Variants in DPP10 observed in about 807,000 individuals in gnomAD.
DPP10 encodes inactive dipeptidyl peptidase 10.
In DPP10, 33 loss-of-function variants were observed where a neutral mutation model predicts 120.9. The observed-to-expected ratio is 0.27, with a 90% CI of 0.21 to 0.37. The LOEUF is 0.37. DPP10 is among the 10% of genes least tolerant of loss of function. DPP10 has a pLI of 1.00. For synonymous variants in DPP10, 337 were observed against 326.1 expected (o/e 1.03, Z -0.36); for missense variants, 816 against 942.8 (o/e 0.87, Z 1.76).
intron 12 of DPP10, among the ~76,000 whole-genome samples, chr2:115,764,684 T>G (rs1359081742): frequency 6.6e-6 from 1 of 152,130 alleles, no homozygotes; most frequent in Non-Finnish European, 1.5e-5. Context: ...AATAGAAACT[T>G]TTTTAAAAAA....
At chr2:115,201,853 TA>T (rs59872188) in intron 1 of DPP10, among the ~76,000 whole-genome samples, 118,827 of 151,170 alleles carry the variant, frequency 0.79, 46,952 homozygotes, top group East Asian at 0.89. Flanking sequence ...AACTTGAAGT[TA>T]AAAAAAAAAA....
chr2:115,496,443 T>G (rs1051507880), intron 3 of DPP10, among the ~76,000 whole-genome samples: 1 of 152,148 alleles, frequency 6.6e-6, no homozygotes, highest in African/African-American at 2.4e-5. Flanking sequence ...TAAACTGATA[T>G]TAAGTGTAGT....
intron 1 of DPP10, among the ~76,000 whole-genome samples, chr2:115,100,239 C>T (rs78664128): frequency 0.014 from 2,119 of 152,106 alleles, 51 homozygotes; most frequent in African/African-American, 0.046. Context: ...GACATGAGTT[C>T]GAGGCCAGCC....
chr2:115,613,091 TCTA>T (rs2084236087), intron 5 of DPP10, among the ~76,000 whole-genome samples: 1 of 152,218 alleles, frequency 6.6e-6, no homozygotes, highest in Non-Finnish European at 1.5e-5. Context: ...GGAGTTGCAT[TCTA>T]CTACATAACA....
intron 1 of DPP10, among the ~76,000 whole-genome samples, chr2:115,066,495 A>C (rs1159779774): frequency 6.6e-6 from 1 of 152,226 alleles, no homozygotes; most frequent in African/African-American, 2.4e-5. Flanking sequence ...GGTCCATTAG[A>C]TGGCACAATT....
In DPP10 at chr2:115,783,473, G is replaced by A. The variant is rs1050418677; in HGVS notation, c.1531+1074G>A. 2.0e-5 allele frequency among the ~76,000 whole-genome samples: 3 copies of A among 152,150 alleles called. No homozygotes were observed. In the East Asian group the frequency reaches 5.8e-4, roughly 29 times the overall value. On this transcript the variant is annotated intron_variant, in intron 17 of 25. Coordinates refer to ENST00000410059, the MANE Select transcript of DPP10 (RefSeq NM_020868.6). Reference sequence around the variant, plus strand: ...TATATAGGTAAAAAAGTGTAAGGTTGAATGACAAATATCATTTTGAGAAAA... The same window carrying A: ...TATATAGGTAAAAAAGTGTAAGGTTAAATGACAAATATCATTTTGAGAAAA...
rs1698343088 is a variant in DPP10, at chr2:114,958,066, G to T, written c.61-351173G>T. On this transcript the variant is annotated intron_variant, in intron 1 of 25. Transcript: ENST00000410059. ...CAGTTTGCAAGCTGGGCAGCCCCCA[G>T]AATCACAGCAGATTCAGAGAGACTC... 2.0e-5 allele frequency among the ~76,000 whole-genome samples: 3 copies of T among 152,020 alleles called. No homozygotes were observed. The South Asian group carries it at 6.2e-4, about 32-fold the overall frequency.
chr2:115,453,743 G>A (rs528239734), intron 3 of DPP10, among the ~76,000 whole-genome samples: 3 of 151,348 alleles, frequency 2.0e-5, no homozygotes, highest in Non-Finnish European at 4.4e-5. Flanking sequence ...CAACAGAAAA[G>A]CAAAGTTATT....
At chr2:115,071,927 A>C (rs1280482822) in intron 1 of DPP10, among the ~76,000 whole-genome samples, 1 of 152,206 alleles carries the variant, frequency 6.6e-6, no homozygotes, top group Non-Finnish European at 1.5e-5. Flanking sequence ...ACACTGAGGC[A>C]AGACCAGAAA....
At chr2:114,621,790 A>G (rs1286140306) in intron 1 of DPP10, among the ~76,000 whole-genome samples, 1 of 151,410 alleles carries the variant, frequency 6.6e-6, no homozygotes, top group Non-Finnish European at 1.5e-5. Context: ...AACCATTCCA[A>G]TATTTATTAC....
intron 3 of DPP10, among the ~76,000 whole-genome samples, chr2:115,389,011 A>G (rs911545172): frequency 4.6e-5 from 7 of 152,190 alleles, no homozygotes; most frequent in African/African-American, 1.7e-4. Flanking sequence ...AGCCTCTTTA[A>G]GGGAAAATAC....
intron 5 of DPP10, among the ~76,000 whole-genome samples, chr2:115,595,199 A>G (rs559129108): frequency 6.6e-6 from 1 of 152,262 alleles, no homozygotes; most frequent in Admixed American, 6.5e-5. Flanking sequence ...TTCTTAAACA[A>G]TAAGGCATAA....
chr2:114,453,677 T>A (rs993686460), intron 1 of DPP10, among the ~76,000 whole-genome samples: 1 of 152,126 alleles, frequency 6.6e-6, no homozygotes, highest in Admixed American at 6.6e-5. Flanking sequence ...ATGACTGGGA[T>A]GAGCAAGCAC....
chr2:114,632,001 G>A (rs1441399305), intron 1 of DPP10, among the ~76,000 whole-genome samples: 1 of 151,918 alleles, frequency 6.6e-6, no homozygotes, highest in Non-Finnish European at 1.5e-5. Context: ...TCTTTTTATA[G>A]AATATCCCAT....
intron 1 of DPP10, among the ~76,000 whole-genome samples, chr2:114,916,886 G>A (rs1694846632): frequency 6.6e-6 from 1 of 152,152 alleles, no homozygotes; most frequent in Non-Finnish European, 1.5e-5. Flanking sequence ...AAAGTTGGAA[G>A]CATTCCCCTG....
intron 1 of DPP10, among the ~76,000 whole-genome samples, chr2:115,291,537 A>G (rs938000986): frequency 1.3e-5 from 2 of 152,150 alleles, no homozygotes; most frequent in Non-Finnish European, 2.9e-5. Context: ...AGATACTCAT[A>G]TCACAATACA....
chr2:114,942,877 C>T (rs1246356316), intron 1 of DPP10, among the ~76,000 whole-genome samples: 1 of 152,076 alleles, frequency 6.6e-6, no homozygotes, highest in Non-Finnish European at 1.5e-5. Context: ...TATTGTCTTT[C>T]ACTCTTTGTA....
chr2:114,797,226 G>A (rs1013428985), intron 1 of DPP10, among the ~76,000 whole-genome samples: 7 of 152,150 alleles, frequency 4.6e-5, no homozygotes, highest in African/African-American at 1.4e-4. Context: ...CCAGAAAGCT[G>A]TTTCAGAGTT....
intron 1 of DPP10, among the ~76,000 whole-genome samples, chr2:114,829,681 G>GT (rs965274376): frequency 1.1e-4 from 17 of 150,188 alleles, no homozygotes; most frequent in Admixed American, 6.7e-4. Flanking sequence ...CTGGCCGGAC[G>GT]TTTTTTTTTA....
Sources: allele counts gnomAD v4.1 joint callset (sites outside exome capture counted in the v4.1 genomes callset), GRCh38; gene constraint gnomAD v4.1.1; transcripts MANE v1.5; gene names NCBI Gene and HGNC (gene_info 2026-07-23, HGNC 2026-07-21).